USP26: variants seen among roughly 807,000 people sequenced by gnomAD.
USP26 encodes ubiquitin specific peptidase 26.
For synonymous variants in USP26, 236 were observed against 240.6 expected (o/e 0.98, Z 0.18); for missense variants, 649 against 642.3 (o/e 1.01, Z -0.11).
chrX:133,026,390 T>A lies in USP26; in HGVS notation c.1831A>T (p.Lys611Ter), dbSNP rs1451628564. The A allele has an allele frequency of 8.3e-7, 1 of 1,208,078 alleles. No homozygotes were observed. The highest frequency in any genetic ancestry group is 2.2e-5 in the Admixed American group (1 of 45,385). The change falls in exon 6 of 6, where the codon AAA (lysine) becomes TAA (stop). Residue 611 changes from lysine (K) to a stop codon, truncating the protein, a stop_gained. Transcript: ENST00000511190. LOFTEE classifies it low-confidence loss of function (END_TRUNC). ...HIGSDKESEQ[K>*]KGQTVFKGAS... Reference sequence around the variant, plus strand: ...CCTTTAAAGACTGTCTGGCCTTTTTTTTGTTCAGACTCCTTATCTGATCCA... The same window carrying A: ...CCTTTAAAGACTGTCTGGCCTTTTTATTGTTCAGACTCCTTATCTGATCCA...
At chrX:133,040,887 G>C (rs979080265) in intron 5 of USP26, among the ~76,000 whole-genome samples, 1 of 110,389 alleles carries the variant, frequency 9.1e-6, no homozygotes, top group Non-Finnish European at 1.9e-5. Context: ...AGCTTTGTTT[G>C]TTCCTTCTCA....
At chrX:133,031,798 G>C (rs2148526274) in intron 5 of USP26, among the ~76,000 whole-genome samples, 1 of 111,835 alleles carries the variant, frequency 8.9e-6, no homozygotes, top group South Asian at 3.8e-4. Flanking sequence ...AGAAAATACA[G>C]TACATACACA....
At chrX:133,092,444 T>G (rs1284412074) in intron 1 of USP26, among the ~76,000 whole-genome samples, 2 of 112,113 alleles carry the variant, frequency 1.8e-5, no homozygotes, top group African/African-American at 6.5e-5. Context: ...CACAGTAAGT[T>G]AGAAAAACAT....
rs188694098 is a variant in USP26, at chrX:133,068,404, A to G, written c.-77+15303T>C. 1.3e-4 allele frequency among the ~76,000 whole-genome samples: 15 copies of G among 112,511 alleles called. No individual in the cohort carries two copies. The East Asian group carries it at 3.9e-3, about 29-fold the overall frequency. ...TGCACATATACCTCCTGAACCTAAAAGTTGGAAAGAGAAAATAAAATATCA... is the reference window on the plus strand; with the variant it reads ...TGCACATATACCTCCTGAACCTAAAGGTTGGAAAGAGAAAATAAAATATCA... On this transcript the variant is annotated intron_variant, in intron 5 of 5. Coordinates refer to ENST00000511190, the MANE Select transcript of USP26 (RefSeq NM_031907.3).
chrX:133,034,364 G>C (rs752732649), intron 5 of USP26, among the ~76,000 whole-genome samples: 36 of 111,484 alleles, frequency 3.2e-4, no homozygotes, highest in Admixed American at 1.6e-3. Context: ...GTCAGGAAAA[G>C]ATGAAATTAA....
At chrX:133,038,927 T>C (rs1303449138) in intron 5 of USP26, among the ~76,000 whole-genome samples, 1 of 112,253 alleles carries the variant, frequency 8.9e-6, no homozygotes, top group Non-Finnish European at 1.9e-5. Flanking sequence ...CCGTTTCTTC[T>C]AGATTTTCTA....
intron 1 of USP26, among the ~76,000 whole-genome samples, chrX:133,093,223 G>T (rs1361657633): frequency 9.0e-6 from 1 of 111,457 alleles, no homozygotes; most frequent in South Asian, 3.8e-4. Flanking sequence ...GAAGGCAGAG[G>T]TTGCAGTGAG....
chrX:133,027,169 G>T lies in USP26; in HGVS notation c.1052C>A (p.Thr351Asn). The T allele has an allele frequency of 8.3e-7, 1 of 1,209,892 alleles. No homozygotes were observed. Among genetic ancestry groups the T allele is most frequent in the Non-Finnish European group, 1.1e-6 (1 of 894,711 alleles). Residue 351 changes from threonine to asparagine, a missense_variant, in exon 6 of 6, where the codon ACC becomes AAC. Thr to Asn is a moderately conservative substitution (Grantham distance 65). Coordinates refer to ENST00000511190, the MANE Select transcript of USP26 (RefSeq NM_031907.3). ...CATCTCCTTGATTTCTATATTATAG[G>T]TATCTTTAAAAAAAAGTAGCCGTGC... is the stretch of plus-strand genomic sequence containing the variant. ...CLARLLFFKD[T>N]YNIEIKEMLL...
chrX:133,066,139 A>G (rs1020501499), intron 5 of USP26, among the ~76,000 whole-genome samples: 4 of 111,400 alleles, frequency 3.6e-5, no homozygotes, highest in Non-Finnish European at 7.5e-5. Context: ...TACAAAGATA[A>G]TAAAACACCT....
intron 5 of USP26, among the ~76,000 whole-genome samples, chrX:133,047,616 C>T: frequency 8.9e-6 from 1 of 112,014 alleles, no homozygotes. Flanking sequence ...CCCACCTTCC[C>T]CCCATATTCA....
chrX:133,043,223 A>G (rs1846724650), intron 5 of USP26, among the ~76,000 whole-genome samples: 1 of 111,966 alleles, frequency 8.9e-6, no homozygotes, highest in African/African-American at 3.2e-5. Context: ...TTGCTTTAAA[A>G]TTTCATTAGG....
Position 133,027,411 on chromosome X carries a change from T to G in USP26, c.810A>C (p.Gln270His). ...ACTTTGTGTAACCGTCACTATACCC[T>G]TGTTGTAACAGAAATACCAAAACCA... The part of the protein sequence containing the change: ...EKMVLVFLLQ[Q>H]GYSDGYTKWD... The change falls in exon 6 of 6, where the codon CAA (glutamine) becomes CAC (histidine). Residue 270 changes from glutamine to histidine, a missense_variant. Physicochemically the swap from Gln to His is conservative, Grantham distance 24. Coordinates refer to ENST00000511190, the MANE Select transcript of USP26 (RefSeq NM_031907.3). 8.3e-7 allele frequency: 1 copy of G among 1,211,430 alleles called. No homozygotes were observed. Among genetic ancestry groups the G allele is most frequent in the East Asian group, 3.0e-5 (1 of 33,846 alleles).
intron 5 of USP26, among the ~76,000 whole-genome samples, chrX:133,028,967 T>C (rs1289615467): frequency 8.9e-6 from 1 of 112,564 alleles, no homozygotes; most frequent in Non-Finnish European, 1.9e-5. Flanking sequence ...AACAACTTCT[T>C]ACCCATTAGA....
intron 5 of USP26, among the ~76,000 whole-genome samples, chrX:133,042,807 A>T (rs1254009468): frequency 8.9e-6 from 1 of 111,992 alleles, no homozygotes; most frequent in Non-Finnish European, 1.9e-5. Context: ...CACTGCTAGG[A>T]ATCCTTATTC....
At chrX:133,072,008 C>T (rs1198560553) in intron 5 of USP26, among the ~76,000 whole-genome samples, 1 of 111,283 alleles carries the variant, frequency 9.0e-6, no homozygotes, top group Admixed American at 9.6e-5. Context: ...ATCTTATTAC[C>T]CAATAAAGAA....
At chrX:133,088,842 G>T (rs1198610019) in intron 4 of USP26, among the ~76,000 whole-genome samples, 4 of 111,743 alleles carry the variant, frequency 3.6e-5, no homozygotes, top group Middle Eastern at 4.7e-3. Context: ...TTATAGTTAG[G>T]ATTCACTCTT....
rs1165747987 is a variant in USP26, at chrX:133,026,140, T to C, written c.2081A>G (p.Glu694Gly). 4.1e-6 allele frequency: 5 copies of C among 1,211,163 alleles called. No individual in the cohort carries two copies. The highest frequency in any genetic ancestry group is 5.6e-6 in the Non-Finnish European group (5 of 895,406). The change falls in exon 6 of 6, where the codon GAA becomes GGA. Residue 694 changes from glutamate to glycine, a missense_variant. Glu to Gly is a moderately conservative substitution (Grantham distance 98). Coordinates refer to ENST00000511190, the MANE Select transcript of USP26 (RefSeq NM_031907.3). ...CACATATTTCTTTCGTTTTGGATTT[T>C]CGGGCACTGTTTGAAAGTCAACTTT... The part of the protein sequence containing the change: ...LSKVDFQTVP[E>G]NPKRKKYVKT...
chrX:133,065,768 C>T (rs2067509524), intron 5 of USP26, among the ~76,000 whole-genome samples: 1 of 112,104 alleles, frequency 8.9e-6, no homozygotes, highest in African/African-American at 3.2e-5. Flanking sequence ...CAGCCAATAT[C>T]ATACTGAATG....
chrX:133,053,690 G>A (rs772401667), intron 5 of USP26, among the ~76,000 whole-genome samples: 15 of 111,854 alleles, frequency 1.3e-4, no homozygotes, highest in African/African-American at 4.9e-4. Context: ...CTAGACGTAA[G>A]TAAATCCTGC....
Sources: allele counts gnomAD v4.1 joint callset (sites outside exome capture counted in the v4.1 genomes callset), GRCh38; gene constraint gnomAD v4.1.1; transcripts MANE v1.5; gene names NCBI Gene and HGNC (gene_info 2026-07-23, HGNC 2026-07-21).